The following UNC5D variants were observed in gnomAD, a reference collection of about 807,000 sequenced individuals.
The protein encoded by UNC5D is unc-5 netrin receptor D.
In UNC5D, 39 loss-of-function variants were observed where a neutral mutation model predicts 105.4. That is an observed-to-expected ratio of 0.37 (90% CI 0.29 to 0.48). The LOEUF (loss-of-function observed/expected upper bound fraction) is 0.48. UNC5D is among the 20% of genes least tolerant of loss of function. The pLI, the probability that UNC5D is intolerant of heterozygous loss-of-function variation, is 0.98. For synonymous variants in UNC5D, 452 were observed against 450.4 expected, an observed-to-expected ratio of 1.00 and a Z score of -0.04; for missense variants, 991 against 1,202.4, an observed-to-expected ratio of 0.82 and a Z score of 2.60.
chr8:35,555,607 C>T (rs907355073), intron 2 of UNC5D, among the ~76,000 whole-genome samples: 15 of 152,114 alleles, frequency 9.9e-5, no homozygotes, highest in South Asian at 2.1e-4. Flanking sequence ...GCAGGCAGAT[C>T]ACAAGGTCAA....
chr8:35,504,927 C>T (rs1295074447), intron 1 of UNC5D, among the ~76,000 whole-genome samples: 13 of 152,160 alleles, frequency 8.5e-5, no homozygotes, highest in Non-Finnish European at 1.6e-4. Flanking sequence ...ATGCCAAACA[C>T]TCATGTGTAG....
At chr8:35,253,484 T>C (rs1803854174) in intron 1 of UNC5D, among the ~76,000 whole-genome samples, 2 of 145,120 alleles carry the variant, frequency 1.4e-5, no homozygotes, top group South Asian at 4.4e-4. Flanking sequence ...TTTTTTTTTT[T>C]TTTTTTTTTT....
At chr8:35,731,825 A>G (rs1829213512) in intron 11 of UNC5D, among the ~76,000 whole-genome samples, 1 of 152,168 alleles carries the variant, frequency 6.6e-6, no homozygotes, top group African/African-American at 2.4e-5. Context: ...CCGAGAGACA[A>G]TTTCTTAGGC....
intron 1 of UNC5D, among the ~76,000 whole-genome samples, chr8:35,509,843 TG>T (rs1563485787): frequency 6.6e-6 from 1 of 152,098 alleles, no homozygotes; most frequent in Non-Finnish European, 1.5e-5. Context: ...GACTATATCC[TG>T]GGGTTCTCAC....
intron 1 of UNC5D, among the ~76,000 whole-genome samples, chr8:35,240,728 T>G (rs542563271): frequency 6.6e-6 from 1 of 152,304 alleles, no homozygotes; most frequent in South Asian, 2.1e-4. Flanking sequence ...CCTTGTATTT[T>G]GATGACAAAA....
At chr8:35,608,181 T>A (rs1260521075) in intron 4 of UNC5D, among the ~76,000 whole-genome samples, 1 of 152,236 alleles carries the variant, frequency 6.6e-6, no homozygotes, top group African/African-American at 2.4e-5. Flanking sequence ...ATATCACTTT[T>A]TTATTTTAAA....
intron 1 of UNC5D, among the ~76,000 whole-genome samples, chr8:35,239,554 A>G (rs946511071): frequency 6.6e-6 from 1 of 151,852 alleles, no homozygotes; most frequent in Non-Finnish European, 1.5e-5. Flanking sequence ...CTAATCCCAA[A>G]GACAAGTGAT....
rs1016662616 is a variant in UNC5D, at chr8:35,608,911, G to A, written c.570+13254G>A. ...GTATCTATTTAATTTTTTTTTTGGC[G>A]GGTAGATACTCAGTAGTGAGATTGC... is the stretch of plus-strand genomic sequence containing the variant. On this transcript the variant is annotated intron_variant, in intron 4 of 16. Coordinates refer to ENST00000404895, the MANE Select transcript of UNC5D (RefSeq NM_080872.4). 2.2e-4 allele frequency among the ~76,000 whole-genome samples: 34 copies of A among 151,400 alleles called. No homozygotes were observed. In the East Asian group the frequency reaches 3.3e-3, roughly 15 times the overall value.
intron 1 of UNC5D, among the ~76,000 whole-genome samples, chr8:35,267,869 C>T (rs1037073101): frequency 1.3e-5 from 2 of 151,990 alleles, no homozygotes; most frequent in Admixed American, 1.3e-4. Flanking sequence ...GGTTTGCTGA[C>T]CTTTTCTGTG....
intron 1 of UNC5D, among the ~76,000 whole-genome samples, chr8:35,332,393 T>C (rs1431359842): frequency 6.6e-6 from 1 of 152,194 alleles, no homozygotes; most frequent in Non-Finnish European, 1.5e-5. Context: ...GTGACAATAA[T>C]AGCAGAGGCA....
intron 1 of UNC5D, among the ~76,000 whole-genome samples, chr8:35,327,796 G>C (rs1233159175): frequency 6.6e-6 from 1 of 152,186 alleles, no homozygotes; most frequent in African/African-American, 2.4e-5. Flanking sequence ...CAGCTGGTCA[G>C]TTGATTTCAC....
chr8:35,758,858 A>C (rs757068882), intron 13 of UNC5D, among the ~76,000 whole-genome samples: 6 of 152,234 alleles, frequency 3.9e-5, no homozygotes, highest in Admixed American at 2.0e-4. Flanking sequence ...AAAAGAATAA[A>C]TATCATATAG....
At chr8:35,242,182 C>A (rs772943914) in intron 1 of UNC5D, among the ~76,000 whole-genome samples, 3 of 152,128 alleles carry the variant, frequency 2.0e-5, no homozygotes, top group Non-Finnish European at 4.4e-5. Flanking sequence ...GGTATTTTTC[C>A]ACAGGTGGGA....
chr8:35,315,041 C>A (rs1225746149), intron 1 of UNC5D, among the ~76,000 whole-genome samples: 2 of 152,106 alleles, frequency 1.3e-5, no homozygotes, highest in Non-Finnish European at 2.9e-5. Context: ...CTGGAGATGT[C>A]AGCACATACT....
intron 1 of UNC5D, among the ~76,000 whole-genome samples, chr8:35,442,605 T>C (rs1211746350): frequency 6.6e-6 from 1 of 151,930 alleles, no homozygotes; most frequent in Non-Finnish European, 1.5e-5. Context: ...GTTGATAGAA[T>C]AGTTTGTTTA....
rs560658196 is a variant in UNC5D, at chr8:35,792,684, A to G, written c.*2121A>G. The G allele has an allele frequency of 5.1e-6, 1 of 195,150 alleles. No homozygotes were observed. The highest frequency in any genetic ancestry group is 8.8e-5 in the South Asian group (1 of 11,376). 12.1% of individuals were successfully genotyped at this position (195,150 alleles called of 1,614,324 possible). A position where few individuals can be genotyped will look rare whatever the true frequency, so the allele number is the denominator to read the frequency against. On this transcript the variant is annotated 3_prime_UTR_variant, in exon 17 of 17. Transcript: ENST00000404895. ...AAAGCTGCATTCACTATTGAGTAAAAACTTGTAGAAAGCACATTATAGAGC... is the reference window on the plus strand; with the variant it reads ...AAAGCTGCATTCACTATTGAGTAAAGACTTGTAGAAAGCACATTATAGAGC...
At chr8:35,267,109 G>A (rs528038785) in intron 1 of UNC5D, among the ~76,000 whole-genome samples, 304 of 141,974 alleles carry the variant, frequency 2.1e-3, no homozygotes, top group African/African-American at 7.5e-3. Context: ...TTGATGAGCC[G>A]TTAAGGGAAA....
chr8:35,317,408 A>G (rs1346533870), intron 1 of UNC5D, among the ~76,000 whole-genome samples: 2 of 152,250 alleles, frequency 1.3e-5, no homozygotes, highest in East Asian at 1.9e-4. Context: ...ACTGGCCACA[A>G]TGGCTATTAC....
chr8:35,459,918 G>T lies in UNC5D; in HGVS notation c.104-89374G>T, dbSNP rs76152982. On this transcript the variant is annotated intron_variant, in intron 1 of 16. Coordinates refer to ENST00000404895, the MANE Select transcript of UNC5D (RefSeq NM_080872.4). Reference sequence around the variant, plus strand: ...TGGCTCATTAGGTATTTTTAGACCTGCTGTGGCCTTTAGACAAGTGTAACT... The same window carrying T: ...TGGCTCATTAGGTATTTTTAGACCTTCTGTGGCCTTTAGACAAGTGTAACT... Among the ~76,000 whole-genome samples, 362 of 152,194 alleles carry T rather than the reference G, an allele frequency of 2.4e-3. 2 individuals carry two copies. Among genetic ancestry groups the T allele is most frequent in the African/African-American group, 8.2e-3 (342 of 41,518 alleles).
Sources: allele counts gnomAD v4.1 joint callset (sites outside exome capture counted in the v4.1 genomes callset), GRCh38; gene constraint gnomAD v4.1.1; transcripts MANE v1.5; gene names NCBI Gene and HGNC (gene_info 2026-07-23, HGNC 2026-07-21).